The following NOS1AP variants were observed in gnomAD, a reference collection of about 807,000 sequenced individuals.
NOS1AP encodes the protein carboxyl-terminal PDZ ligand of neuronal nitric oxide synthase protein.
A neutral mutation model predicts 56.2 loss-of-function variants in NOS1AP; 21 were observed. That is an observed-to-expected ratio of 0.37 (90% CI 0.26 to 0.54). NOS1AP has a LOEUF of 0.54. NOS1AP is among the 20% of genes least tolerant of loss of function. The pLI is 0.84. For synonymous variants in NOS1AP, 270 were observed against 274.6 expected, an observed-to-expected ratio of 0.98 and a Z score of 0.17; for missense variants, 522 against 657.8, an observed-to-expected ratio of 0.79 and a Z score of 2.26.
At chr1:162,185,043 C>G (rs1016524002) in intron 2 of NOS1AP, among the ~76,000 whole-genome samples, 2 of 152,214 alleles carry the variant, frequency 1.3e-5, no homozygotes, top group Non-Finnish European at 2.9e-5. Flanking sequence ...CTTGCCTTTT[C>G]TAGCTTAAAG....
chr1:162,303,911 T>C (rs575839675), intron 4 of NOS1AP, among the ~76,000 whole-genome samples: 2 of 151,066 alleles, frequency 1.3e-5, no homozygotes, highest in Admixed American at 1.3e-4. Flanking sequence ...TGTCTTTTTT[T>C]TTTTTTTTTT....
intron 3 of NOS1AP, among the ~76,000 whole-genome samples, chr1:162,293,062 A>G (rs1392785988): frequency 6.6e-6 from 1 of 152,142 alleles, no homozygotes; most frequent in Non-Finnish European, 1.5e-5. Context: ...CAGGCCTATT[A>G]GGAATTGTGC....
chr1:162,333,901 A>G (rs1463062729), intron 5 of NOS1AP, among the ~76,000 whole-genome samples: 3 of 152,200 alleles, frequency 2.0e-5, no homozygotes, highest in Non-Finnish European at 4.4e-5. Context: ...TCACAATGGA[A>G]TCATATTTTT....
At chr1:162,238,219 G>T (rs1161494291) in intron 2 of NOS1AP, among the ~76,000 whole-genome samples, 1 of 152,058 alleles carries the variant, frequency 6.6e-6, no homozygotes, top group Non-Finnish European at 1.5e-5. Context: ...GAGGGAGAAT[G>T]GACGTATGAA....
intron 2 of NOS1AP, among the ~76,000 whole-genome samples, chr1:162,155,109 C>T (rs867067503): frequency 4.6e-5 from 7 of 151,224 alleles, no homozygotes; most frequent in Admixed American, 1.3e-4. Flanking sequence ...TTAGGGTATT[C>T]GAGGGTGGGT....
chr1:162,280,911 T>C (rs1262204823), intron 2 of NOS1AP, among the ~76,000 whole-genome samples: 1 of 152,186 alleles, frequency 6.6e-6, no homozygotes, highest in Non-Finnish European at 1.5e-5. Context: ...AGATTTTATA[T>C]AAATCAACAA....
At chr1:162,358,770 T>C (rs1657790311) in intron 8 of NOS1AP, among the ~76,000 whole-genome samples, 1 of 152,208 alleles carries the variant, frequency 6.6e-6, no homozygotes, top group Admixed American at 6.5e-5. Context: ...AGCGTATCAA[T>C]TGCCAAGTAA....
chr1:162,150,440 T>C (rs1424211984), intron 1 of NOS1AP, among the ~76,000 whole-genome samples: 1 of 152,230 alleles, frequency 6.6e-6, no homozygotes, highest in Non-Finnish European at 1.5e-5. Flanking sequence ...AGTGCAGATA[T>C]CTCACCAATA....
At chr1:162,291,337 A>G (rs1655275885) in intron 3 of NOS1AP, among the ~76,000 whole-genome samples, 1 of 152,212 alleles carries the variant, frequency 6.6e-6, no homozygotes, top group African/African-American at 2.4e-5. Context: ...GTGGCTGTTC[A>G]CTAGCTGCTT....
intron 4 of NOS1AP, among the ~76,000 whole-genome samples, chr1:162,307,671 C>T (rs551877765): frequency 1.4e-4 from 22 of 152,170 alleles, no homozygotes; most frequent in African/African-American, 4.1e-4. Flanking sequence ...AATAGCCAGG[C>T]GTGGTGGTGG....
chr1:162,139,230 A>C (rs541589534), intron 1 of NOS1AP, among the ~76,000 whole-genome samples: 11 of 152,234 alleles, frequency 7.2e-5, no homozygotes, highest in African/African-American at 2.4e-4. Context: ...GTTGAAGACC[A>C]CAAGGCTCTA....
At chr1:162,094,646 T>C (rs942884644) in intron 1 of NOS1AP, among the ~76,000 whole-genome samples, 21 of 152,172 alleles carry the variant, frequency 1.4e-4, no homozygotes, top group African/African-American at 4.8e-4. Flanking sequence ...CTGGGACATT[T>C]TAGGGACCAT....
rs1654233696 is a variant in NOS1AP, at chr1:162,261,527, A to AAGAGAG, written c.178-25817_178-25816insAGAGAG. Among the ~76,000 whole-genome samples the AAGAGAG allele has an allele frequency of 2.2e-4, 9 of 41,046 alleles. 4 individuals carry two copies. The highest frequency in any genetic ancestry group is 4.2e-4 in the Non-Finnish European group (6 of 14,194). 26.9% of individuals were successfully genotyped at this position (41,046 alleles called of 152,430 possible). ...GAGAGAGAGAGAGAGAGAGAGAGAG[A>AAGAGAG]GAGAGAGAGAGAGAGAGAGCAATGA... is the stretch of plus-strand genomic sequence containing the variant. On this transcript the variant is annotated intron_variant, in intron 2 of 9. Transcript: ENST00000361897.
chr1:162,149,478 C>G (rs906203520), intron 1 of NOS1AP, among the ~76,000 whole-genome samples: 8 of 152,222 alleles, frequency 5.3e-5, no homozygotes, highest in Non-Finnish European at 7.3e-5. Flanking sequence ...CAGGGACAGA[C>G]AGAAGTTAGT....
intron 2 of NOS1AP, among the ~76,000 whole-genome samples, chr1:162,277,202 T>C (rs1287967534): frequency 6.6e-6 from 1 of 152,194 alleles, no homozygotes; most frequent in East Asian, 1.9e-4. Context: ...TAGAGAATCA[T>C]ATAAGTGGAA....
chr1:162,334,959 A>T (rs1656893147), intron 5 of NOS1AP, among the ~76,000 whole-genome samples: 1 of 152,192 alleles, frequency 6.6e-6, no homozygotes, highest in African/African-American at 2.4e-5. Flanking sequence ...CCATTATGTT[A>T]TATTTGCCTT....
intron 2 of NOS1AP, among the ~76,000 whole-genome samples, chr1:162,198,523 G>A (rs970853788): frequency 1.3e-5 from 2 of 152,162 alleles, no homozygotes; most frequent in East Asian, 1.9e-4. Context: ...ATCTGAAAAC[G>A]ATGCAGGGTC....
intron 1 of NOS1AP, among the ~76,000 whole-genome samples, chr1:162,076,863 T>C (rs1028845406): frequency 3.9e-5 from 6 of 152,228 alleles, no homozygotes; most frequent in South Asian, 2.1e-4. Flanking sequence ...GTCTTTTGTG[T>C]CTGACTTCTT....
At chr1:162,339,543 C>T (rs1395201949) in intron 5 of NOS1AP, among the ~76,000 whole-genome samples, 6 of 152,182 alleles carry the variant, frequency 3.9e-5, no homozygotes, top group Admixed American at 3.9e-4. Flanking sequence ...CTCCAAAGGC[C>T]TGTATGTCGT....
Sources: gnomAD v4.1 joint callset for allele counts (sites outside exome capture counted in the v4.1 genomes callset) on GRCh38, gnomAD v4.1.1 for gene constraint, MANE v1.5 for transcripts, NCBI Gene and HGNC (gene_info 2026-07-23, HGNC 2026-07-21) for gene names.